The following FHIT variants were observed in gnomAD, a reference collection of about 807,000 sequenced individuals.
The protein encoded by FHIT is fragile histidine triad diadenosine triphosphatase.
In FHIT, 19 loss-of-function variants were observed where a neutral mutation model predicts 17.9. That is an observed-to-expected ratio of 1.06 (90% CI 0.74 to 1.56). FHIT has a LOEUF of 1.56. Among genes scored for constraint, FHIT ranks in the 40% most tolerant of loss-of-function variants. The pLI is 0.00. For synonymous variants in FHIT, 81 were observed against 69.7 expected (o/e 1.16, Z -0.81); for missense variants, 248 against 189.2 (o/e 1.31, Z -1.82).
rs914377749 is a variant in FHIT at position 60,216,832 on chromosome 3, A to C, written c.104-202680T>G. Among the ~76,000 whole-genome samples the C allele has an allele frequency of 2.0e-5, 3 of 152,230 alleles. No homozygotes were observed. In the East Asian group the frequency reaches 5.8e-4, roughly 29 times the overall value. On this transcript the variant is annotated intron_variant, in intron 5 of 9. Coordinates refer to ENST00000492590, the MANE Select transcript of FHIT (RefSeq NM_002012.4). Reference sequence around the variant, plus strand: ...CAACTGTCATCTCACTCCCCTGATAAAACTCTTGACATGTTTTGCAGTATC... The same window carrying C: ...CAACTGTCATCTCACTCCCCTGATACAACTCTTGACATGTTTTGCAGTATC...
In FHIT at chr3:59,771,948, G is replaced by A. The variant is rs114558195; in HGVS notation, c.349-19627C>T. 1.2e-3 allele frequency among the ~76,000 whole-genome samples: 184 copies of A among 152,208 alleles called. 1 individual carries two copies. The highest frequency in any genetic ancestry group is 4.3e-3 in the African/African-American group (179 of 41,522). ...TCTAGAAGGTTTGTACACCCTCAGGGATCCATGAGTCACAGCTTTAAAGCC... is the reference window on the plus strand; with the variant it reads ...TCTAGAAGGTTTGTACACCCTCAGGAATCCATGAGTCACAGCTTTAAAGCC... On this transcript the variant is annotated intron_variant, in intron 8 of 9. Coordinates refer to ENST00000492590, the MANE Select transcript of FHIT (RefSeq NM_002012.4).
chr3:60,293,213 G>A (rs1483259909), intron 5 of FHIT, among the ~76,000 whole-genome samples: 2 of 152,054 alleles, frequency 1.3e-5, no homozygotes, highest in Non-Finnish European at 2.9e-5. Flanking sequence ...ATGATATAGG[G>A]TCATTAATTT....
chr3:60,079,030 C>T (rs953653641), intron 5 of FHIT, among the ~76,000 whole-genome samples: 2 of 152,078 alleles, frequency 1.3e-5, no homozygotes, highest in African/African-American at 4.8e-5. Context: ...TTCATTGAGG[C>T]TCGGCTCCCC....
intron 4 of FHIT, among the ~76,000 whole-genome samples, chr3:60,659,988 T>C (rs1211497016): frequency 5.3e-5 from 8 of 152,162 alleles, no homozygotes; most frequent in Admixed American, 1.3e-4. Flanking sequence ...AAGCCTGAGA[T>C]GTAAAGTTAA....
chr3:60,031,037 A>T (rs1700977317), intron 5 of FHIT, among the ~76,000 whole-genome samples: 1 of 152,208 alleles, frequency 6.6e-6, no homozygotes, highest in African/African-American at 2.4e-5. Flanking sequence ...GGTCCAGTCC[A>T]CTATTTGCTG....
At chr3:60,278,979 C>A (rs1408094607) in intron 5 of FHIT, among the ~76,000 whole-genome samples, 2 of 151,882 alleles carry the variant, frequency 1.3e-5, no homozygotes. Context: ...TAGAAACCCA[C>A]AGAAAGAAAA....
chr3:60,654,096 T>A (rs1177731014), intron 4 of FHIT, among the ~76,000 whole-genome samples: 2 of 130,548 alleles, frequency 1.5e-5, no homozygotes, highest in Non-Finnish European at 3.2e-5. Flanking sequence ...TGCTCCTGTC[T>A]TCGTCACATT....
chr3:60,057,540 C>G (rs1222251354), intron 5 of FHIT, among the ~76,000 whole-genome samples: 2 of 152,176 alleles, frequency 1.3e-5, no homozygotes, highest in Admixed American at 6.5e-5. Flanking sequence ...AAGCCAGTCA[C>G]AAAGGATGAT....
intron 1 of FHIT, among the ~76,000 whole-genome samples, chr3:61,245,500 G>T (rs1433796493): frequency 6.6e-6 from 1 of 152,160 alleles, no homozygotes; most frequent in Non-Finnish European, 1.5e-5. Flanking sequence ...AGCAGCATCA[G>T]TCTGTTAGAA....
intron 4 of FHIT, among the ~76,000 whole-genome samples, chr3:60,783,726 T>C (rs1036332159): frequency 6.6e-6 from 1 of 152,186 alleles, no homozygotes; most frequent in Non-Finnish European, 1.5e-5. Flanking sequence ...TCATCAACAG[T>C]TGTCTCTTTC....
At chr3:60,245,861 A>C (rs1353184733) in intron 5 of FHIT, among the ~76,000 whole-genome samples, 1 of 152,088 alleles carries the variant, frequency 6.6e-6, no homozygotes, top group Non-Finnish European at 1.5e-5. Context: ...CAAGAACTGG[A>C]AAAAAACTAT....
intron 5 of FHIT, among the ~76,000 whole-genome samples, chr3:60,377,507 C>T (rs910221528): frequency 9.4e-6 from 1 of 106,670 alleles, no homozygotes; most frequent in Admixed American, 1.3e-4. Context: ...CGGAGTCTCG[C>T]TCTGTCGCCC....
intron 8 of FHIT, among the ~76,000 whole-genome samples, chr3:59,847,438 T>C (rs1462456648): frequency 9.2e-5 from 14 of 152,196 alleles, no homozygotes; most frequent in African/African-American, 2.7e-4. Flanking sequence ...TTTCTTTGCA[T>C]CACTCTCTCT....
chr3:60,192,294 C>T (rs1343445953), intron 5 of FHIT, among the ~76,000 whole-genome samples: 1 of 149,910 alleles, frequency 6.7e-6, no homozygotes, highest in Non-Finnish European at 1.5e-5. Context: ...GGCAAAAGTT[C>T]AATGGCCTTT....
chr3:61,141,148 A>G (rs2886261), intron 2 of FHIT, among the ~76,000 whole-genome samples: 20,201 of 151,746 alleles, frequency 0.13, 1,441 homozygotes, highest in Non-Finnish European at 0.16. Flanking sequence ...GGAGATGTGA[A>G]GTTTCCGGTG....
At chr3:59,840,406 A>AG (rs1298021905) in intron 8 of FHIT, among the ~76,000 whole-genome samples, 59 of 151,458 alleles carry the variant, frequency 3.9e-4, no homozygotes, top group East Asian at 7.8e-4. Context: ...AAAAAAAAAA[A>AG]AAAGAAAGAA....
At chr3:61,011,809 G>T (rs536004024) in intron 3 of FHIT, among the ~76,000 whole-genome samples, 3 of 152,094 alleles carry the variant, frequency 2.0e-5, no homozygotes, top group Non-Finnish European at 4.4e-5. Flanking sequence ...ATACAATGGC[G>T]ATGGTGTCTT....
chr3:60,063,083 A>G lies in FHIT; in HGVS notation c.104-48931T>C, dbSNP rs74846141. Among the ~76,000 whole-genome samples the G allele has an allele frequency of 9.4e-4, 143 of 152,316 alleles. 2 individuals are homozygous for G. In the East Asian group the frequency reaches 0.023, roughly 25 times the overall value. On this transcript the variant is annotated intron_variant, in intron 5 of 9. Transcript: ENST00000492590. ...TTACAGATACATGCAAACAAATTGCACATCCTGTTAAGTAGGGCAAAACAG... is the reference window on the plus strand; with the variant it reads ...TTACAGATACATGCAAACAAATTGCGCATCCTGTTAAGTAGGGCAAAACAG...
intron 7 of FHIT, among the ~76,000 whole-genome samples, chr3:59,981,695 C>G (rs1708662619): frequency 6.6e-6 from 1 of 152,106 alleles, no homozygotes; most frequent in South Asian, 2.1e-4. Context: ...CTTATGGAGT[C>G]TCTCGAATGC....
Sources: gnomAD v4.1 joint callset for allele counts (sites outside exome capture counted in the v4.1 genomes callset) on GRCh38, gnomAD v4.1.1 for gene constraint, MANE v1.5 for transcripts, NCBI Gene and HGNC (gene_info 2026-07-23, HGNC 2026-07-21) for gene names.